Variants in ZNF85 observed in about 807,000 individuals in gnomAD.
ZNF85 encodes zinc finger protein 85 (HPF4, HTF1).
In ZNF85, 50 loss-of-function variants were observed where a neutral mutation model predicts 53.9. That is an observed-to-expected ratio of 0.93 (90% CI 0.74 to 1.17). The LOEUF (loss-of-function observed/expected upper bound fraction) is 1.17, where lower values mean the gene tolerates loss of function less well. ZNF85 is among the 50% of genes most tolerant of loss of function. The pLI is 0.00. For missense variants in ZNF85, 747 were observed against 688.5 expected, an observed-to-expected ratio of 1.08 and a Z score of -0.95; for synonymous variants, 225 against 226.1, an observed-to-expected ratio of 1.00 and a Z score of 0.04.
chr19:20,926,227 G>C (rs1315761007), intron 1 of ZNF85, among the ~76,000 whole-genome samples: 1 of 152,142 alleles, frequency 6.6e-6, no homozygotes, highest in Non-Finnish European at 1.5e-5. Context: ...GCAGGGTAAA[G>C]TTGTGACAGT....
At chr19:20,946,925 G>C (rs1973435830) in intron 3 of ZNF85, among the ~76,000 whole-genome samples, 1 of 151,386 alleles carries the variant, frequency 6.6e-6, no homozygotes, top group African/African-American at 2.4e-5. Flanking sequence ...TAATTAAAAA[G>C]TTAACTTTAT....
rs774079729 is a variant in ZNF85 at position 20,949,264 on chromosome 19, A to G, written c.750A>G (p.Lys250=). 1.2e-6 allele frequency: 2 copies of G among 1,612,842 alleles called. No homozygotes were observed. Among genetic ancestry groups the G allele is most frequent in the Non-Finnish European group, 1.7e-6 (2 of 1,179,486 alleles). The change falls in exon 4 of 4, where the codon AAA becomes AAG. Residue 250 remains lysine (K), a synonymous_variant. Coordinates refer to ENST00000328178, the MANE Select transcript of ZNF85 (RefSeq NM_003429.5). ...CCTCAAACCTTATTAAACATAAGAA[A>G]ATTCATACTGGAGAGAAACCCTACA... ...NQSSNLIKHK[K]IHTGEKPYKC...
chr19:20,947,484 T>C (rs1973449345), intron 3 of ZNF85, among the ~76,000 whole-genome samples: 1 of 122,432 alleles, frequency 8.2e-6, no homozygotes, highest in Non-Finnish European at 1.7e-5. Flanking sequence ...GCAGTGCCAA[T>C]ACACTTTTTT....
Position 20,949,470 on chromosome 19 carries a change from G to A in ZNF85, c.956G>A (p.Cys319Tyr). ...GAGAAACCTTACAAATGTGAAGAAT[G>A]TGGCAAAGCCTTTAAGCAGTCCTCA... ...TGEKPYKCEECGKAFKQSSNL... is the reference protein window; with the variant it reads ...TGEKPYKCEEYGKAFKQSSNL... The change falls in exon 4 of 4, where the codon TGT (cysteine) becomes TAT (tyrosine). Residue 319 changes from cysteine (C) to tyrosine (Y), a missense_variant. Physicochemically the swap from Cys to Tyr is radical, Grantham distance 194 (BLOSUM62 -2). Transcript: ENST00000328178. The A allele has an allele frequency of 6.2e-7, 1 of 1,613,644 alleles. No individual in the cohort carries two copies. Among genetic ancestry groups the A allele is most frequent in the Non-Finnish European group, 8.5e-7 (1 of 1,179,822 alleles).
chr19:20,950,235 CT>C lies in ZNF85; in HGVS notation c.1725del (p.Phe575LeufsTer12). On this transcript the variant is annotated frameshift_variant, in exon 4 of 4. Coordinates refer to ENST00000328178, the MANE Select transcript of ZNF85 (RefSeq NM_003429.5). LOFTEE classifies it high-confidence loss of function. ...KPYKCEECDK[A>X]FKWSSVLTKH... is the part of the protein sequence containing the mutation. ...TACAAATGTGAAGAATGTGACAAAG[CT>C]TTTAAATGGTCCTCAGTCCTTACTA... The C allele has an allele frequency of 1.2e-6, 2 of 1,606,142 alleles. No individual in the cohort carries two copies. The highest frequency in any genetic ancestry group is 2.2e-5 in the South Asian group (2 of 89,562).
chr19:20,945,158 TATA>T (rs1332661508), intron 3 of ZNF85, among the ~76,000 whole-genome samples: 1 of 152,182 alleles, frequency 6.6e-6, no homozygotes, highest in Non-Finnish European at 1.5e-5. Context: ...ACATAAAATT[TATA>T]ATAAAATATT....
intron 1 of ZNF85, among the ~76,000 whole-genome samples, chr19:20,930,313 T>C (rs147046882): frequency 1.0e-3 from 158 of 152,268 alleles, no homozygotes; most frequent in Non-Finnish European, 2.0e-3. Context: ...ATTTAACAAC[T>C]TGTTTTCTAT....
intron 3 of ZNF85, chr19:20,936,946 A>T (rs1599436132): frequency 6.1e-6 from 1 of 163,222 alleles, no homozygotes; most frequent in African/African-American, 2.4e-5. Flanking sequence ...GATGAGCACA[A>T]TATAGTTTTG....
At chr19:20,931,049 A>G (rs574925733) in intron 1 of ZNF85, among the ~76,000 whole-genome samples, 3 of 152,318 alleles carry the variant, frequency 2.0e-5, no homozygotes, top group Admixed American at 6.5e-5. Context: ...TGCTGAAATT[A>G]CATGCATGAG....
intron 3 of ZNF85, among the ~76,000 whole-genome samples, chr19:20,942,208 C>G (rs1264636087): frequency 6.6e-6 from 1 of 151,848 alleles, no homozygotes; most frequent in East Asian, 1.9e-4. Context: ...TCACTGTTTC[C>G]CAGGCTGGAG....
intron 3 of ZNF85, among the ~76,000 whole-genome samples, chr19:20,935,591 A>G (rs913438524): frequency 6.4e-4 from 98 of 152,210 alleles, no homozygotes; most frequent in African/African-American, 2.3e-3. Context: ...TGGCTATTCA[A>G]AGTTTATTAT....
At chr19:20,939,197 T>G (rs1490609211) in intron 3 of ZNF85, among the ~76,000 whole-genome samples, 1 of 152,182 alleles carries the variant, frequency 6.6e-6, no homozygotes, top group Non-Finnish European at 1.5e-5. Flanking sequence ...AACCAGAGTT[T>G]AGGAGTAAAC....
chr19:20,944,680 G>A (rs1428042365), intron 3 of ZNF85, among the ~76,000 whole-genome samples: 2 of 150,768 alleles, frequency 1.3e-5, no homozygotes, highest in Non-Finnish European at 3.0e-5. Context: ...TCTACTTGAT[G>A]GTGTCCAATA....
chr19:20,936,243 A>G (rs1384832205), intron 3 of ZNF85, among the ~76,000 whole-genome samples: 9 of 151,924 alleles, frequency 5.9e-5, no homozygotes, highest in Admixed American at 5.9e-4. Context: ...ATGATCTACA[A>G]CCAGCAACTT....
In ZNF85 at chr19:20,927,365, A is replaced by G. The variant is rs564869131; in HGVS notation, c.3+3962A>G. Reference sequence around the variant, plus strand: ...CTACTCAGGAGGCGGAGGCAGGAGAATCCCTTGAATCCAGGAGGTGGAGGT... The same window carrying G: ...CTACTCAGGAGGCGGAGGCAGGAGAGTCCCTTGAATCCAGGAGGTGGAGGT... On this transcript the variant is annotated intron_variant, in intron 1 of 3. Transcript: ENST00000328178. The G allele has an allele frequency of 2.0e-5, 3 of 152,112 alleles. No homozygotes were observed. The South Asian group carries it at 6.3e-4, about 32-fold the overall frequency. The allele number at this position is 152,112 out of a possible 1,614,324, so 9.4% of individuals were successfully genotyped here. A position where few individuals can be genotyped will look rare whatever the true frequency, so the allele number is the denominator to read the frequency against.
chr19:20,937,964 A>G (rs1425930010), intron 3 of ZNF85, among the ~76,000 whole-genome samples: 1 of 152,188 alleles, frequency 6.6e-6, no homozygotes. Context: ...TCCGAAACGG[A>G]TACTCCTCAA....
rs966936998 is a variant in ZNF85 at position 20,935,658 on chromosome 19, A to ATT, written c.229+624_229+625dup. 3.6e-3 allele frequency among the ~76,000 whole-genome samples: 529 copies of ATT among 145,820 alleles called. 3 individuals carry two copies. The highest frequency in any genetic ancestry group is 0.012 in the African/African-American group (494 of 39,826). On this transcript the variant is annotated intron_variant, in intron 3 of 3. Coordinates refer to ENST00000328178, the MANE Select transcript of ZNF85 (RefSeq NM_003429.5). ...CATTACTGTAAAAGATGCCACTAGA[A>ATT]TTTTTTTTTTTTTTATTTCGCTCTT...
At position 20,950,288 on chromosome 19, in the gene ZNF85, A is replaced by G. The variant is rs778717912; in HGVS notation, c.1774A>G (p.Lys592Glu). Residue 592 changes from lysine to glutamate, a missense_variant, in exon 4 of 4, where the codon AAA (lysine) becomes GAA (glutamate). Transcript: ENST00000328178. ...TKHKIIHTGE[K>E]LQI is the part of the protein sequence containing the mutation. ...ACATAAGATAATTCATACCGGAGAA[A>G]AATTACAAATATGAAAATTATGGCA... 15 of 1,526,800 alleles carry G rather than the reference A, an allele frequency of 9.8e-6. No homozygotes were observed. Among genetic ancestry groups the G allele is most frequent in the Non-Finnish European group, 1.2e-5 (14 of 1,141,414 alleles). The allele number at this position is 1,526,800 out of a possible 1,614,324, so 94.6% of individuals were successfully genotyped here. A position where few individuals can be genotyped will look rare whatever the true frequency, so the allele number is the denominator to read the frequency against.
chr19:20,935,971 TTC>T (rs1164320473), intron 3 of ZNF85, among the ~76,000 whole-genome samples: 5 of 152,176 alleles, frequency 3.3e-5, no homozygotes, highest in African/African-American at 1.2e-4. Flanking sequence ...TATTTGTGTC[TTC>T]TCTAGTTTCT....
Sources: gnomAD v4.1 joint callset for allele counts (sites outside exome capture counted in the v4.1 genomes callset) on GRCh38, gnomAD v4.1.1 for gene constraint, MANE v1.5 for transcripts, NCBI Gene and HGNC (gene_info 2026-07-23, HGNC 2026-07-21) for gene names.